PNPLA7: variants seen among roughly 807,000 people sequenced by gnomAD.
The protein encoded by PNPLA7 is patatin like domain 7, lysophospholipase.
PNPLA7 carries 153 observed loss-of-function variants against 161.7 expected under a neutral mutation model. The ratio of observed to expected loss-of-function variants is 0.95; its 90% CI spans 0.83 to 1.08. The LOEUF (loss-of-function observed/expected upper bound fraction) is 1.08, where lower values mean the gene tolerates loss of function less well. Among genes scored for constraint, PNPLA7 ranks in the 50% least tolerant of loss-of-function variants. The pLI, the probability that PNPLA7 is intolerant of heterozygous loss-of-function variation, is 0.00. For missense variants in PNPLA7, 1,739 were observed against 1,856.6 expected (o/e 0.94, Z 1.16); for synonymous variants, 809 against 782.1 (o/e 1.03, Z -0.57).
At chr9:137,532,394 G>A (rs577225588) in intron 8 of PNPLA7, among the ~76,000 whole-genome samples, 22 of 152,276 alleles carry the variant, frequency 1.4e-4, no homozygotes, top group South Asian at 8.3e-4. Context: ...CCAAGATCAC[G>A]CCACTGCACT....
At position 137,463,479 on chromosome 9, in the gene PNPLA7, G is replaced by C; in HGVS notation, c.3279C>G (p.Pro1093=). The C allele has an allele frequency of 6.3e-7, 1 of 1,593,552 alleles. No individual in the cohort carries two copies. The highest frequency in any genetic ancestry group is 2.3e-5 in the East Asian group (1 of 43,952). ...RASMSLSGYM[P]PLCDPKDGHL... The stretch of plus-strand genomic sequence containing the variant: ...GTCCGTCCTTCGGGTCACAGAGAGG[G>C]GGCATGTAACCGGACAGGGACATGC... The change falls in exon 29 of 35, where the codon CCC becomes CCG. Residue 1093 remains proline (P), a synonymous_variant. Coordinates refer to ENST00000406427, the MANE Select transcript of PNPLA7 (RefSeq NM_001098537.3).
chr9:137,526,178 T>TAGC (rs1835292645), intron 8 of PNPLA7, among the ~76,000 whole-genome samples: 2 of 152,228 alleles, frequency 1.3e-5, no homozygotes, highest in South Asian at 4.1e-4. Context: ...GGCACCTGGG[T>TAGC]GGCTTGCCGC....
At chr9:137,546,804 A>G (rs754435743) in intron 4 of PNPLA7, 26 bp downstream of exon 4, 3 of 1,612,476 alleles carry the variant, frequency 1.9e-6, no homozygotes, top group Non-Finnish European at 2.5e-6. Flanking sequence ...AGCCGTGTGC[A>G]GCCTGGGGCC....
chr9:137,463,719 C>G (rs1351165464), intron 28 of PNPLA7, among the ~76,000 whole-genome samples, 188 bp from the exon 29 acceptor site: 1 of 152,122 alleles, frequency 6.6e-6, no homozygotes, highest in Admixed American at 6.5e-5. Context: ...CACTGCATTA[C>G]ATGTGCCCAG....
In PNPLA7 at chr9:137,460,466, G is replaced by A. The variant is rs140719684; in HGVS notation, c.3956C>T (p.Ser1319Phe). The change falls in exon 35 of 35, where the codon TCC (serine) becomes TTC (phenylalanine). Residue 1319 changes from serine to phenylalanine, a missense_variant. Coordinates refer to ENST00000406427, the MANE Select transcript of PNPLA7 (RefSeq NM_001098537.3). ...AQQGSDLEDESSLRHRHPSLA... is the reference protein window; with the variant it reads ...AQQGSDLEDEFSLRHRHPSLA... ...ACTGGGGTGTCGATGCCGCAGTGAG[G>A]ACTCGTCCTCCTGCAAGCAGACCGC... The A allele has an allele frequency of 1.2e-6, 2 of 1,612,564 alleles. No homozygotes were observed. Among genetic ancestry groups the A allele is most frequent in the South Asian group, 1.1e-5 (1 of 91,074 alleles).
rs1836116669 is a variant in PNPLA7 at position 137,540,202 on chromosome 9, T to C, written c.747+440A>G. ...ACGATGGACACAGGAAACCATTCAC[T>C]GCAACGACGAAAAGCAAAAGACTGG... is the stretch of plus-strand genomic sequence containing the variant. On this transcript the variant is annotated intron_variant, in intron 8 of 34. Coordinates refer to ENST00000406427, the MANE Select transcript of PNPLA7 (RefSeq NM_001098537.3). The surrounding 1 kb of genome is among the most constrained non-coding windows in gnomAD (Gnocchi z 5.1). 1.3e-5 allele frequency among the ~76,000 whole-genome samples: 2 copies of C among 152,134 alleles called. No individual in the cohort carries two copies. The highest frequency in any genetic ancestry group is 4.8e-5 in the African/African-American group (2 of 41,430).
At chr9:137,492,192 G>A (rs2132223030) in intron 20 of PNPLA7, 2 of 985,214 alleles carry the variant, frequency 2.0e-6, no homozygotes, top group Non-Finnish European at 2.4e-6. Context: ...TGAATATGCT[G>A]GAGCAGGGAA....
rs1242718580 is a variant in PNPLA7 at position 137,479,110 on chromosome 9, G to A, written c.2709C>T (p.His903=). 1.9e-6 allele frequency: 3 copies of A among 1,599,924 alleles called. No individual in the cohort carries two copies. In the Admixed American group the frequency reaches 5.1e-5, roughly 27 times the overall value. ...CGCGGCGCGGGCAGCAGAGGTGCAGGTGGCCGGAGCACCAGCTCCGCATGT... is the reference window on the plus strand; with the variant it reads ...CGCGGCGCGGGCAGCAGAGGTGCAGATGGCCGGAGCACCAGCTCCGCATGT... The part of the protein sequence containing the change: ...WLNMRSWCSG[H]LHLCCPRRVF... The change falls in exon 24 of 35, where the codon CAC becomes CAT. Residue 903 remains histidine, a synonymous_variant. Coordinates refer to ENST00000406427, the MANE Select transcript of PNPLA7 (RefSeq NM_001098537.3).
At chr9:137,546,985 G>T in intron 3 of PNPLA7, 76 bp from the exon 4 acceptor site, 1 of 1,397,880 alleles carries the variant, frequency 7.2e-7, no homozygotes, top group Non-Finnish European at 1.0e-6. Context: ...GTGCAGCACA[G>T]TCAGTCATAC....
intron 30 of PNPLA7, 76 bp from the exon 31 acceptor site, chr9:137,462,407 G>C (rs573766722): frequency 9.5e-5 from 145 of 1,519,940 alleles, no homozygotes; most frequent in Non-Finnish European, 1.2e-4. Flanking sequence ...GCGCAGGACA[G>C]GTTCTGGGGA....
At position 137,524,736 on chromosome 9, in the gene PNPLA7, CGAGTTTCCGTGGATGCCCCGTGGAAT is replaced by C. The variant is rs1441652617; in HGVS notation, c.748-1905_748-1880del. 4.6e-5 allele frequency among the ~76,000 whole-genome samples: 7 copies of C among 151,816 alleles called. No homozygotes were observed. The highest frequency in any genetic ancestry group is 4.4e-5 in the Non-Finnish European group (3 of 67,990). The stretch of plus-strand genomic sequence containing the variant: ...GTTTTGCATTCTCACCAGCAGCGAA[CGAGTTTCCGTGGATGCCCCGTGGAAT>C]GAGTTTCCGTGGATGCCCCGTGGAA... On this transcript the variant is annotated intron_variant, in intron 8 of 34. Coordinates refer to ENST00000406427, the MANE Select transcript of PNPLA7 (RefSeq NM_001098537.3). This position sits in a 1 kb window ranked among gnomAD's most constrained non-coding sequence, Gnocchi z 4.4.
Position 137,463,471 on chromosome 9 carries a change from CAG to C in PNPLA7, c.3285_3286del (p.Cys1096Ter). 6.3e-7 allele frequency: 1 copy of C among 1,595,444 alleles called. No homozygotes were observed. Among genetic ancestry groups the C allele is most frequent in the Non-Finnish European group, 8.5e-7 (1 of 1,171,186 alleles). On this transcript the variant is annotated frameshift_variant, in exon 29 of 35. Transcript: ENST00000406427. LOFTEE classifies it high-confidence loss of function. ...CAGCAGGTGTCCGTCCTTCGGGTCA[CAG>C]AGAGGGGGCATGTAACCGGACAGGG... is the stretch of plus-strand genomic sequence containing the variant.
At chr9:137,549,569 C>CAAAAAA (rs57732454) in intron 1 of PNPLA7, among the ~76,000 whole-genome samples, 1 of 96,056 alleles carries the variant, frequency 1.0e-5, no homozygotes, top group African/African-American at 4.1e-5. Context: ...GACTCCGTCT[C>CAAAAAA]AAAAAAAAAA....
Position 137,495,067 on chromosome 9 carries a change from C to T in PNPLA7, c.2093G>A (p.Gly698Glu), listed in dbSNP as rs373742161. The T allele has an allele frequency of 1.2e-6, 2 of 1,610,484 alleles. No homozygotes were observed. Among genetic ancestry groups the T allele is most frequent in the African/African-American group, 1.3e-5 (1 of 74,940 alleles). Residue 698 changes from glycine to glutamate, a missense_variant, in exon 19 of 35, where the codon GGA becomes GAA. Physicochemically the swap from Gly to Glu is moderately conservative, Grantham distance 98. This residue lies in a region of PNPLA7 where 192 missense variants were observed against 249.5 expected (regional missense o/e 0.77). Coordinates refer to ENST00000406427, the MANE Select transcript of PNPLA7 (RefSeq NM_001098537.3). ...CCTGCGCTTGATGGACGTGAGGGCT[C>T]CTGCCGGCAGCTTGGCCAATTCTGA... is the stretch of plus-strand genomic sequence containing the variant. Reference protein sequence around the residue: ...RDSELAKLPAGALTSIKRRYP... With the variant: ...RDSELAKLPAEALTSIKRRYP...
In PNPLA7 at chr9:137,484,523, G is replaced by A. The variant is rs530702501; in HGVS notation, c.2347+64C>T. On this transcript the variant is annotated intron_variant, in intron 21 of 34. Coordinates refer to ENST00000406427, the MANE Select transcript of PNPLA7 (RefSeq NM_001098537.3). ...GTCCCCTCGAAGACAGAGGGCAGCC[G>A]GCAGGCGCCCTCCACCAGGCCCAGA... 6.8e-5 allele frequency: 101 copies of A among 1,488,042 alleles called. 1 individual carries two copies. The East Asian group carries it at 8.6e-4, about 13-fold the overall frequency. The allele number at this position is 1,488,042 out of a possible 1,614,324, so 92.2% of individuals were successfully genotyped here. A position where few individuals can be genotyped will look rare whatever the true frequency, so the allele number is the denominator to read the frequency against.
In PNPLA7 at chr9:137,477,208, C is replaced by T. The variant is rs547522509; in HGVS notation, c.2882+826G>A. Among the ~76,000 whole-genome samples the T allele has an allele frequency of 3.9e-5, 6 of 152,356 alleles. No homozygotes were observed. In the South Asian group the frequency reaches 6.2e-4, roughly 16 times the overall value. On this transcript the variant is annotated intron_variant, in intron 25 of 34. Transcript: ENST00000406427. ...GGGCACATGCCTGTCCCACCCTCCT[C>T]GTGGCTCCCAGGCTCCATCTCTGTT... is the stretch of plus-strand genomic sequence containing the variant.
chr9:137,522,097 T>C (rs1291315954), intron 9 of PNPLA7, among the ~76,000 whole-genome samples: 2 of 152,194 alleles, frequency 1.3e-5, no homozygotes, highest in South Asian at 4.1e-4. Flanking sequence ...TTTTTTGACA[T>C]GGTGTCTCGC....
intron 9 of PNPLA7, among the ~76,000 whole-genome samples, chr9:137,522,240 AATTTTTTGTATTTTTAGC>A (rs1835044912): frequency 6.6e-6 from 1 of 152,124 alleles, no homozygotes; most frequent in South Asian, 2.1e-4. Context: ...ACGCCTGGCT[AATTTTTTGTATTTTTAGC>A]AGAGACGGGG....
At chr9:137,514,399 A>G (rs1487827993) in intron 12 of PNPLA7, among the ~76,000 whole-genome samples, 40 of 77,720 alleles carry the variant, frequency 5.1e-4, no homozygotes, top group South Asian at 1.4e-3. Context: ...GCTGGGCTGC[A>G]GGCGGGTCAC....
Sources: allele counts gnomAD v4.1 joint callset (sites outside exome capture counted in the v4.1 genomes callset), GRCh38; gene constraint gnomAD v4.1.1; regional missense constraint gnomAD v4.1.1; non-coding constraint Gnocchi (gnomAD v3.1); transcripts MANE v1.5; gene names NCBI Gene and HGNC (gene_info 2026-07-23, HGNC 2026-07-21).